Variants in NKD2 observed in about 807,000 individuals in gnomAD.
NKD2 encodes the protein NKD inhibitor of Wnt signaling pathway 2, also known as protein naked cuticle homolog 2.
In NKD2, 43 loss-of-function variants were observed where a neutral mutation model predicts 34.8. The ratio of observed to expected loss-of-function variants is 1.24; its 90% CI spans 0.97 to 1.60. The LOEUF (loss-of-function observed/expected upper bound fraction) is 1.60, where lower values mean the gene tolerates loss of function less well. NKD2 is among the 40% of genes most tolerant of loss of function. NKD2 has a pLI of 0.00. For missense variants in NKD2, 675 were observed against 627.1 expected (o/e 1.08, Z -0.82); for synonymous variants, 278 against 265.1 (o/e 1.05, Z -0.47).
rs879788359 is a variant in NKD2 at position 1,010,195 on chromosome 5, AGAACTGT to A, written c.141+636_141+642del. Among the ~76,000 whole-genome samples, 1,509 of 152,308 alleles carry A rather than the reference AGAACTGT, an allele frequency of 9.9e-3. 19 individuals carry two copies. Among genetic ancestry groups the A allele is most frequent in the East Asian group, 0.044 (225 of 5,166 alleles). ...AGGAAGGTGCTATGTCCAGGAGCAG[AGAACTGT>A]CCAGGTCTGGGGCCCTGGAAGGGCC... On this transcript the variant is annotated intron_variant, in intron 3 of 9. Transcript: ENST00000296849.
intron 3 of NKD2, among the ~76,000 whole-genome samples, chr5:1,028,032 G>A (rs928187583): frequency 1.3e-5 from 2 of 152,202 alleles, no homozygotes; most frequent in Non-Finnish European, 2.9e-5. Flanking sequence ...CACTCCTTTT[G>A]ACTTTTCCAA....
chr5:1,009,423 G>A lies in NKD2; in HGVS notation c.62-58G>A. 5.7e-6 allele frequency: 8 copies of A among 1,404,138 alleles called. No individual in the cohort carries two copies. The highest frequency in any genetic ancestry group is 1.5e-5 in the African/African-American group (1 of 66,550). 87.0% of individuals were successfully genotyped at this position (1,404,138 alleles called of 1,614,324 possible). A position where few individuals can be genotyped will look rare whatever the true frequency, so the allele number is the denominator to read the frequency against. ...AAGGCGCAGCGCCCGCGGGGCTCAC[G>A]GCGCGTCTCTTTCCCTCCTCGGTGC... On this transcript the variant is annotated intron_variant, in intron 2 of 9. Coordinates refer to ENST00000296849, the MANE Select transcript of NKD2 (RefSeq NM_033120.4). This position sits in a 1 kb window ranked among gnomAD's most constrained non-coding sequence, Gnocchi z 6.9.
intron 3 of NKD2, among the ~76,000 whole-genome samples, chr5:1,022,259 GCGTCTC>G (rs1756229780): frequency 6.9e-6 from 1 of 144,548 alleles, no homozygotes; most frequent in Non-Finnish European, 1.5e-5. Flanking sequence ...CCCGCTGTGG[GCGTCTC>G]AGCCCATTGT....
chr5:1,034,580 G>A (rs904264363), intron 6 of NKD2, among the ~76,000 whole-genome samples, 176 bp from the exon 7 acceptor site: 1 of 152,226 alleles, frequency 6.6e-6, no homozygotes, highest in Non-Finnish European at 1.5e-5. Flanking sequence ...CGCTCACAGG[G>A]CCACCTGGGC....
chr5:1,028,071 GTC>G (rs1279736393), intron 3 of NKD2, among the ~76,000 whole-genome samples: 1 of 152,110 alleles, frequency 6.6e-6, no homozygotes, highest in East Asian at 1.9e-4. Flanking sequence ...TTTTGTGAGC[GTC>G]TCTCCGTGCC....
chr5:1,033,261 G>A lies in NKD2; in HGVS notation c.203-111G>A, dbSNP rs1002811131. ...AAGATCGGGCTCTCAGCTCAGGCCC[G>A]TCTGGACAGGATCATGGTGTGGTGA... is the stretch of plus-strand genomic sequence containing the variant. On this transcript the variant is annotated intron_variant, in intron 4 of 9. Coordinates refer to ENST00000296849, the MANE Select transcript of NKD2 (RefSeq NM_033120.4). The A allele has an allele frequency of 4.8e-5, 52 of 1,094,012 alleles. 1 individual carries two copies. Among genetic ancestry groups the A allele is most frequent in the East Asian group, 2.4e-4 (9 of 37,140 alleles). The allele number at this position is 1,094,012 out of a possible 1,614,324, so 67.8% of individuals were successfully genotyped here. A position where few individuals can be genotyped will look rare whatever the true frequency, so the allele number is the denominator to read the frequency against.
Position 1,008,854 on chromosome 5 carries a change from G to T in NKD2, c.-204G>T, listed in dbSNP as rs1467993504. On this transcript the variant is annotated 5_prime_UTR_variant, in exon 1 of 10. Transcript: ENST00000296849. Reference sequence around the variant, plus strand: ...GCCGCTGTCCCCGCGCCCTGCGCCCGGTGGCCCCCCACCTCCGCCCCGCGG... The same window carrying T: ...GCCGCTGTCCCCGCGCCCTGCGCCCTGTGGCCCCCCACCTCCGCCCCGCGG... The T allele has an allele frequency of 8.9e-6, 3 of 337,726 alleles. No homozygotes were observed. The allele number at this position is 337,726 out of a possible 1,614,324, so 20.9% of individuals were successfully genotyped here.
chr5:1,036,762 G>A (rs1213654567), intron 9 of NKD2: 2 of 475,442 alleles, frequency 4.2e-6, no homozygotes, highest in Non-Finnish European at 8.3e-6. Context: ...CAGCAGAGGG[G>A]GTCGTCCAGT....
At chr5:1,031,620 T>C (rs553143260) in intron 3 of NKD2, among the ~76,000 whole-genome samples, 27 of 152,198 alleles carry the variant, frequency 1.8e-4, no homozygotes, top group Non-Finnish European at 3.2e-4. Flanking sequence ...ATGAGAACCA[T>C]GTGAGCTTCG....
chr5:1,037,961 G>C lies in NKD2; in HGVS notation c.944G>C (p.Arg315Pro), dbSNP rs375289481. Reference sequence around the variant, plus strand: ...GTGCCAGCCTCGGAGCCTGCTGCCCGGGCCCTGGACACGCAGCCCCGGCCG... The same window carrying C: ...GTGCCAGCCTCGGAGCCTGCTGCCCCGGCCCTGGACACGCAGCCCCGGCCG... ...HVVPASEPAARALDTQPRPKG... is the reference protein window; with the variant it reads ...HVVPASEPAAPALDTQPRPKG... Residue 315 changes from arginine to proline, a missense_variant, in exon 10 of 10, where the codon CGG becomes CCG. Physicochemically the swap from Arg to Pro is moderately radical, Grantham distance 103 (BLOSUM62 -2). Coordinates refer to ENST00000296849, the MANE Select transcript of NKD2 (RefSeq NM_033120.4). 1.3e-5 allele frequency: 21 copies of C among 1,605,492 alleles called. No individual in the cohort carries two copies. The highest frequency in any genetic ancestry group is 1.6e-5 in the Non-Finnish European group (19 of 1,177,948).
Position 1,032,214 on chromosome 5 carries a change from T to A in NKD2, c.202+2T>A. The A allele has an allele frequency of 6.2e-7, 1 of 1,606,838 alleles. No individual in the cohort carries two copies. The highest frequency in any genetic ancestry group is 8.5e-7 in the Non-Finnish European group (1 of 1,176,316). ...GGGAGGACCAGTGTCCCCTACAGGG[T>A]GAGTGCAGCTCCCGCAGCCCTCCCT... On this transcript the variant is annotated splice_donor_variant, in intron 4 of 9. Coordinates refer to ENST00000296849, the MANE Select transcript of NKD2 (RefSeq NM_033120.4). LOFTEE classifies it high-confidence loss of function.
rs1443885245 is a variant in NKD2, at chr5:1,009,901, G to C, written c.141+341G>C. ...CTAGACGTCCCGGGCTGGGGGTCCC[G>C]GGGAGCGGGAATGCAGTACCCCGGC... On this transcript the variant is annotated intron_variant, in intron 3 of 9. Transcript: ENST00000296849. This position sits in a 1 kb window ranked among gnomAD's most constrained non-coding sequence, Gnocchi z 6.9. 6.6e-6 allele frequency among the ~76,000 whole-genome samples: 1 copy of C among 152,156 alleles called. No homozygotes were observed. The highest frequency in any genetic ancestry group is 6.5e-5 in the Admixed American group (1 of 15,288).
chr5:1,036,921 A>G (rs1300570439), intron 9 of NKD2: 1 of 404,438 alleles, frequency 2.5e-6, no homozygotes, highest in South Asian at 1.8e-5. Flanking sequence ...GGCAGTGTGG[A>G]CGGCGGGCAG....
At chr5:1,017,446 C>A (rs1347122828) in intron 3 of NKD2, among the ~76,000 whole-genome samples, 2 of 152,272 alleles carry the variant, frequency 1.3e-5, no homozygotes, top group Non-Finnish European at 2.9e-5. Context: ...CCTGATTTTG[C>A]TCCTGAGGGC....
chr5:1,034,359 C>T, intron 6 of NKD2, 29 bp downstream of exon 6: 7 of 1,556,032 alleles, frequency 4.5e-6, no homozygotes, highest in East Asian at 2.2e-5. Context: ...GCGTCAGGTC[C>T]ACAGTAGTAG....
chr5:1,023,486 G>T (rs1267049384), intron 3 of NKD2, among the ~76,000 whole-genome samples: 1 of 3,200 alleles, frequency 3.1e-4, no homozygotes, highest in African/African-American at 3.3e-4. Context: ...CTTCCCACCC[G>T]CTGTGGGCGT....
At position 1,037,972 on chromosome 5, in the gene NKD2, A is replaced by T; in HGVS notation, c.955A>T (p.Thr319Ser). 1.2e-6 allele frequency: 2 copies of T among 1,605,646 alleles called. No individual in the cohort carries two copies. The highest frequency in any genetic ancestry group is 1.1e-5 in the South Asian group (1 of 90,368). ...ASEPAARALD[T>S]QPRPKGPEKQ... ...GGAGCCTGCTGCCCGGGCCCTGGAC[A>T]CGCAGCCCCGGCCGAAGGGGCCGGA... Residue 319 changes from threonine to serine, a missense_variant, in exon 10 of 10, where the codon ACG becomes TCG. Coordinates refer to ENST00000296849, the MANE Select transcript of NKD2 (RefSeq NM_033120.4).
At position 1,015,432 on chromosome 5, in the gene NKD2, T is replaced by G. The variant is rs373919773; in HGVS notation, c.141+5872T>G. On this transcript the variant is annotated intron_variant, in intron 3 of 9. Coordinates refer to ENST00000296849, the MANE Select transcript of NKD2 (RefSeq NM_033120.4). ...TCTTGAAGCCAGACACACCTGAATT[T>G]GGAGTTGCCCAGCCTACCCCAGAAT... Among the ~76,000 whole-genome samples, 15 of 152,336 alleles carry G rather than the reference T, an allele frequency of 9.8e-5. No individual in the cohort carries two copies. The East Asian group carries it at 2.1e-3, about 22-fold the overall frequency.
At chr5:1,031,051 T>C (rs1756626477) in intron 3 of NKD2, among the ~76,000 whole-genome samples, 1 of 152,096 alleles carries the variant, frequency 6.6e-6, no homozygotes, top group African/African-American at 2.4e-5. Flanking sequence ...CATACCCTGT[T>C]TGGACCCTGG....
Sources: allele counts gnomAD v4.1 joint callset (sites outside exome capture counted in the v4.1 genomes callset), GRCh38; gene constraint gnomAD v4.1.1; non-coding constraint Gnocchi (gnomAD v3.1); transcripts MANE v1.5; gene names NCBI Gene and HGNC (gene_info 2026-07-23, HGNC 2026-07-21).